Variants in ATRX observed in about 807,000 individuals in gnomAD.
ATRX encodes the protein chromatin remodeler ATRX.
ATRX carries 12 observed loss-of-function variants against 172.6 expected under a neutral mutation model. That is an observed-to-expected ratio of 0.07 (90% CI 0.04 to 0.11). The LOEUF (loss-of-function observed/expected upper bound fraction) is 0.11, where lower values mean the gene tolerates loss of function less well. Among genes scored for constraint, ATRX ranks in the 10% least tolerant of loss-of-function variants. The pLI is 1.00. For synonymous variants in ATRX, 674 were observed against 594.7 expected (o/e 1.13, Z -1.94); for missense variants, 1,368 against 1,767.4 (o/e 0.77, Z 4.05).
intron 19 of ATRX, among the ~76,000 whole-genome samples, chrX:77,630,089 G>A (rs1557104959): frequency 9.0e-6 from 1 of 111,261 alleles, no homozygotes; most frequent in South Asian, 3.7e-4. Context: ...CACTAACAAA[G>A]AATTATCTGA....
chrX:77,692,074 G>C (rs1441202183), intron 6 of ATRX, among the ~76,000 whole-genome samples: 1 of 111,712 alleles, frequency 9.0e-6, no homozygotes, highest in Non-Finnish European at 1.9e-5. Flanking sequence ...AACAACAGTG[G>C]TTCTTTTATT....
At chrX:77,663,867 C>G (rs1280537999) in intron 11 of ATRX, among the ~76,000 whole-genome samples, 1 of 111,320 alleles carries the variant, frequency 9.0e-6, no homozygotes. Context: ...TTTGGGAGGC[C>G]GAGGTGGGCA....
chrX:77,645,150 T>A (rs782427037), intron 15 of ATRX, among the ~76,000 whole-genome samples: 1 of 111,640 alleles, frequency 9.0e-6, no homozygotes, highest in African/African-American at 3.3e-5. Flanking sequence ...TTCTTTTTTC[T>A]TTTTTAAAAA....
intron 26 of ATRX, among the ~76,000 whole-genome samples, chrX:77,591,828 T>C (rs1462549068): frequency 2.7e-5 from 3 of 112,046 alleles, no homozygotes; most frequent in African/African-American, 9.7e-5. Context: ...GTCTTAGAAA[T>C]ACTAATTATT....
intron 27 of ATRX, among the ~76,000 whole-genome samples, chrX:77,576,249 A>G (rs1446783449): frequency 9.0e-6 from 1 of 111,690 alleles, no homozygotes; most frequent in African/African-American, 3.2e-5. Context: ...AGCATTTTCC[A>G]TTTATTGATG....
intron 1 of ATRX, among the ~76,000 whole-genome samples, chrX:77,775,879 G>A (rs1459085849): frequency 9.1e-6 from 1 of 110,395 alleles, no homozygotes. Context: ...TTACAGGCAT[G>A]CGCCACCACG....
chrX:77,676,660 G>A (rs2070881258), intron 9 of ATRX, among the ~76,000 whole-genome samples: 2 of 112,155 alleles, frequency 1.8e-5, no homozygotes, highest in South Asian at 3.7e-4. Flanking sequence ...AACTGGTGCT[G>A]TATCTTCGAG....
At chrX:77,600,316 T>C (rs1340847772) in intron 23 of ATRX, 118 bp downstream of exon 23, 2 of 855,169 alleles carry the variant, frequency 2.3e-6, no homozygotes, top group Non-Finnish European at 1.7e-6. Flanking sequence ...AAATTAGAAA[T>C]AAGACATAGA....
intron 10 of ATRX, among the ~76,000 whole-genome samples, chrX:77,669,631 T>A (rs191546546): frequency 3.0e-4 from 33 of 111,842 alleles, no homozygotes; most frequent in Admixed American, 9.5e-5. Context: ...CCCCCATTTT[T>A]AAAAATAAGT....
chrX:77,555,988 C>T (rs1371445485), intron 30 of ATRX, among the ~76,000 whole-genome samples: 1 of 107,899 alleles, frequency 9.3e-6, no homozygotes, highest in Non-Finnish European at 1.9e-5. Flanking sequence ...ACCTGGCCAA[C>T]ATAGTAAAAC....
At chrX:77,537,717 A>G (rs1557048936) in intron 30 of ATRX, among the ~76,000 whole-genome samples, 1 of 111,060 alleles carries the variant, frequency 9.0e-6, no homozygotes, top group Non-Finnish European at 1.9e-5. Context: ...ACCCTAACCA[A>G]GTTTTTCTAA....
At chrX:77,535,534 A>G (rs1557048094) in intron 30 of ATRX, among the ~76,000 whole-genome samples, 1 of 112,003 alleles carries the variant, frequency 8.9e-6, no homozygotes, top group African/African-American at 3.2e-5. Context: ...ATATGACTGC[A>G]GTGACATTCT....
chrX:77,592,353 T>G (rs1043642336), intron 26 of ATRX, among the ~76,000 whole-genome samples: 1 of 99,584 alleles, frequency 1.0e-5, no homozygotes, highest in Non-Finnish European at 2.0e-5. Flanking sequence ...GAGGTGATTT[T>G]AGTGAGCTGA....
chrX:77,601,360 C>G (rs1184955263), intron 22 of ATRX, among the ~76,000 whole-genome samples: 2 of 107,339 alleles, frequency 1.9e-5, no homozygotes, highest in African/African-American at 6.8e-5. Context: ...CCCTAGATAC[C>G]CTAGATACTT....
At chrX:77,597,435 CAAAAACA>C (rs1185902953) in intron 25 of ATRX, among the ~76,000 whole-genome samples, 4 of 107,515 alleles carry the variant, frequency 3.7e-5, no homozygotes, top group African/African-American at 1.0e-4. Context: ...TTCTGCACAG[CAAAAACA>C]AAAAACAAAC....
chrX:77,640,966 G>A lies in ATRX; in HGVS notation c.4558-4910C>T, dbSNP rs147246007. ...GCTCCCAGTGATCACATGGTGCTGG[G>A]AGGCATTCGATTTCAGAGGAGGCAC... On this transcript the variant is annotated intron_variant, in intron 15 of 34. Transcript: ENST00000373344. 1.8e-3 allele frequency among the ~76,000 whole-genome samples: 203 copies of A among 111,335 alleles called. 1 individual carries two copies. Among genetic ancestry groups the A allele is most frequent in the African/African-American group, 6.3e-3 (194 of 30,569 alleles).
intron 1 of ATRX, among the ~76,000 whole-genome samples, chrX:77,757,062 A>G (rs2075528496): frequency 8.9e-6 from 1 of 111,781 alleles, no homozygotes; most frequent in Admixed American, 9.6e-5. Flanking sequence ...CTGGGACTAC[A>G]GGCATGAACC....
chrX:77,543,209 CTCA>C (rs1247099931), intron 30 of ATRX, among the ~76,000 whole-genome samples: 1 of 112,405 alleles, frequency 8.9e-6, no homozygotes, highest in Non-Finnish European at 1.9e-5. Context: ...TGAAAAAATA[CTCA>C]TCATTACTGC....
chrX:77,709,261 A>G (rs782467266), intron 2 of ATRX, among the ~76,000 whole-genome samples: 70 of 112,305 alleles, frequency 6.2e-4, no homozygotes, highest in African/African-American at 2.1e-3. Context: ...TTACTCATTA[A>G]GTAAATGCAA....
Sources: allele counts gnomAD v4.1 joint callset (sites outside exome capture counted in the v4.1 genomes callset), GRCh38; gene constraint gnomAD v4.1.1; transcripts MANE v1.5; gene names NCBI Gene and HGNC (gene_info 2026-07-23, HGNC 2026-07-21).